NSD2: variants seen among roughly 807,000 people sequenced by gnomAD.
NSD2 encodes histone-lysine N-methyltransferase NSD2.
Under a neutral mutation model 139.0 loss-of-function variants are expected in NSD2, and 12 were observed. The observed-to-expected ratio is 0.09, with a 90% CI of 0.06 to 0.14. The LOEUF (loss-of-function observed/expected upper bound fraction) is 0.14. NSD2 is among the 10% of genes least tolerant of loss of function. NSD2 has a pLI of 1.00. For synonymous variants in NSD2, 669 were observed against 648.7 expected (o/e 1.03, Z -0.48); for missense variants, 1,155 against 1,745.0 (o/e 0.66, Z 6.02).
chr4:1,964,118 T>C (rs1725638714), intron 18 of NSD2, among the ~76,000 whole-genome samples: 1 of 152,190 alleles, frequency 6.6e-6, no homozygotes, highest in African/African-American at 2.4e-5. Flanking sequence ...GGACCTGAGG[T>C]AACAAGACTA....
chr4:1,953,066 C>T, intron 11 of NSD2: 1 of 1,462,454 alleles, frequency 6.8e-7, no homozygotes, highest in Non-Finnish European at 9.0e-7. Context: ...ACTGGGCCTC[C>T]CCAGCCAGGC....
intron 5 of NSD2, among the ~76,000 whole-genome samples, chr4:1,924,122 C>T (rs1720533492): frequency 6.6e-6 from 1 of 152,104 alleles, no homozygotes; most frequent in African/African-American, 2.4e-5. Context: ...TCACTTGAAT[C>T]CAGGAGTTTG....
chr4:1,929,763 G>T (rs543197079), intron 5 of NSD2, among the ~76,000 whole-genome samples: 1 of 152,270 alleles, frequency 6.6e-6, no homozygotes, highest in East Asian at 1.9e-4. Context: ...TCAGCCCTGT[G>T]CCCTGCTCTC....
chr4:1,879,462 G>T (rs530375711), intron 1 of NSD2, among the ~76,000 whole-genome samples: 12 of 152,022 alleles, frequency 7.9e-5, no homozygotes, highest in Non-Finnish European at 1.6e-4. Context: ...CTTGTGATCC[G>T]CCCGCCTCGG....
intron 1 of NSD2, among the ~76,000 whole-genome samples, chr4:1,872,330 T>C (rs1322092750): frequency 6.6e-6 from 1 of 152,156 alleles, no homozygotes; most frequent in Non-Finnish European, 1.5e-5. Flanking sequence ...AGATGGGACC[T>C]GGCGACTTAA....
intron 5 of NSD2, among the ~76,000 whole-genome samples, chr4:1,927,039 C>T (rs979951196): frequency 6.6e-6 from 1 of 152,114 alleles, no homozygotes; most frequent in Non-Finnish European, 1.5e-5. Flanking sequence ...AAGATGTTAC[C>T]TGGGGCTACA....
At chr4:1,895,707 A>AG (rs1245683813) in intron 1 of NSD2, among the ~76,000 whole-genome samples, 1 of 151,980 alleles carries the variant, frequency 6.6e-6, no homozygotes, top group Non-Finnish European at 1.5e-5. Context: ...TCCCGGGGAG[A>AG]GGGGGGCTCC....
At chr4:1,876,746 A>G (rs920418403) in intron 1 of NSD2, among the ~76,000 whole-genome samples, 7 of 151,534 alleles carry the variant, frequency 4.6e-5, no homozygotes, top group Non-Finnish European at 8.8e-5. Context: ...GGGTGTGTAG[A>G]AAAAATGCTT....
chr4:1,901,859 A>C (rs961152861), intron 2 of NSD2, among the ~76,000 whole-genome samples: 1 of 152,242 alleles, frequency 6.6e-6, no homozygotes, highest in African/African-American at 2.4e-5. Flanking sequence ...AGCCCAGCAC[A>C]CTGAACACAA....
intron 1 of NSD2, among the ~76,000 whole-genome samples, chr4:1,899,737 G>T (rs1716913049): frequency 6.6e-6 from 1 of 152,220 alleles, no homozygotes; most frequent in Non-Finnish European, 1.5e-5. Flanking sequence ...CCCCACACCA[G>T]CATGCTGCAG....
At chr4:1,925,403 T>C (rs991609089) in intron 5 of NSD2, among the ~76,000 whole-genome samples, 1 of 138,624 alleles carries the variant, frequency 7.2e-6, no homozygotes, top group African/African-American at 2.7e-5. Flanking sequence ...TTTTTTTTTT[T>C]TTTTTTTTTT....
Position 1,958,574 on chromosome 4 carries a change from G to A in NSD2, c.2985+538G>A, listed in dbSNP as rs941352290. ...GGCTGCCTGCGCTCAGAGCTGGTGC[G>A]GCAAGCCGCATCCCCAGGAGCCTCG... On this transcript the variant is annotated intron_variant, in intron 16 of 21. Coordinates refer to ENST00000508803, the MANE Select transcript of NSD2 (RefSeq NM_001042424.3). This position sits in a 1 kb window ranked among gnomAD's most constrained non-coding sequence, Gnocchi z 4.6. Among the ~76,000 whole-genome samples the A allele has an allele frequency of 2.6e-5, 4 of 152,266 alleles. No individual in the cohort carries two copies. Among genetic ancestry groups the A allele is most frequent in the Non-Finnish European group, 5.9e-5 (4 of 68,050 alleles).
chr4:1,976,411 C>T lies in NSD2; in HGVS notation c.3622-64C>T. 1 of 1,549,604 alleles carries T rather than the reference C, an allele frequency of 6.5e-7. No individual in the cohort carries two copies. The highest frequency in any genetic ancestry group is 1.4e-5 in the African/African-American group (1 of 74,020). On this transcript the variant is annotated intron_variant, in intron 20 of 21. Transcript: ENST00000508803. This position sits in a 1 kb window ranked among gnomAD's most constrained non-coding sequence, Gnocchi z 5.3. ...AGTTCCTGGAGTGTAGCTCGCTCTT[C>T]TGCCCTATTTGCTTCAGCCTGTGTA...
At chr4:1,968,541 G>T (rs1181644230) in intron 18 of NSD2, among the ~76,000 whole-genome samples, 5 of 152,142 alleles carry the variant, frequency 3.3e-5, no homozygotes, top group Non-Finnish European at 7.3e-5. Flanking sequence ...CACCATTAAA[G>T]GGTAAAAAGG....
chr4:1,882,088 G>A (rs893835526), intron 1 of NSD2, among the ~76,000 whole-genome samples: 3 of 152,228 alleles, frequency 2.0e-5, no homozygotes, highest in African/African-American at 7.2e-5. Context: ...AGATTGCTCT[G>A]TAGATTGAGT....
intron 9 of NSD2, chr4:1,940,812 G>A (rs1039661298): frequency 6.6e-6 from 7 of 1,057,830 alleles, no homozygotes; most frequent in Non-Finnish European, 6.9e-6. Context: ...CTCATTAGAG[G>A]AGTGTAGGCC....
chr4:1,872,579 TGTGTGTGTGTGTGAGAGAGAGAGA>T (rs1713881643), intron 1 of NSD2, among the ~76,000 whole-genome samples: 2 of 68,954 alleles, frequency 2.9e-5, no homozygotes, highest in African/African-American at 1.0e-4. Flanking sequence ...TGTGTGTGTG[TGTGTGTGTGTGTGAGAGAGAGAGA>T]GAGAGAGAGA....
intron 10 of NSD2, 119 bp from the exon 11 acceptor site, chr4:1,951,989 C>A (rs1724314552): frequency 4.7e-6 from 7 of 1,477,146 alleles, no homozygotes; most frequent in Admixed American, 2.2e-5. Context: ...TATTATATAT[C>A]CTTGAGTAGC....
In NSD2 at chr4:1,959,152, C is replaced by T. The variant is rs913967278; in HGVS notation, c.2986-319C>T. On this transcript the variant is annotated intron_variant, in intron 16 of 21. Transcript: ENST00000508803. Reference sequence around the variant, plus strand: ...ACCCTGCAGTGTACTAAGCAATCAACACGCTTTTTCTCTCTTCATCTTACA... The same window carrying T: ...ACCCTGCAGTGTACTAAGCAATCAATACGCTTTTTCTCTCTTCATCTTACA... Among the ~76,000 whole-genome samples the T allele has an allele frequency of 2.0e-5, 3 of 152,230 alleles. No individual in the cohort carries two copies. In the East Asian group the frequency reaches 5.8e-4, roughly 29 times the overall value.
Sources: allele counts gnomAD v4.1 joint callset (sites outside exome capture counted in the v4.1 genomes callset), GRCh38; gene constraint gnomAD v4.1.1; non-coding constraint Gnocchi (gnomAD v3.1); transcripts MANE v1.5; gene names NCBI Gene and HGNC (gene_info 2026-07-23, HGNC 2026-07-21).